The following DAB1 variants were observed in gnomAD, a reference collection of about 807,000 sequenced individuals.
DAB1 encodes disabled homolog 1.
A neutral mutation model predicts 64.6 loss-of-function variants in DAB1; 15 were observed. The observed-to-expected ratio is 0.23, with a 90% CI of 0.16 to 0.36. The LOEUF is 0.36. Ranked by LOEUF, DAB1 falls within the 10% of genes least tolerant of loss-of-function variation. The probability of loss-of-function intolerance (pLI) is 1.00; values close to 1 mark genes in which losing one functional copy is unlikely to be tolerated. For synonymous variants in DAB1, 235 were observed against 251.9 expected, an observed-to-expected ratio of 0.93 and a Z score of 0.64; for missense variants, 596 against 706.7, an observed-to-expected ratio of 0.84 and a Z score of 1.78.
chr1:57,542,347 A>G (rs1229301032), intron 7 of DAB1, among the ~76,000 whole-genome samples: 1 of 151,574 alleles, frequency 6.6e-6, no homozygotes, highest in Non-Finnish European at 1.5e-5. Flanking sequence ...GGAGCCTGTT[A>G]CCAGGCCTGG....
intron 3 of DAB1, among the ~76,000 whole-genome samples, chr1:58,397,982 T>G (rs927260284): frequency 6.6e-6 from 1 of 152,152 alleles, no homozygotes; most frequent in Non-Finnish European, 1.5e-5. Context: ...CCATTCCCTG[T>G]CTTCATCCCA....
intron 5 of DAB1, among the ~76,000 whole-genome samples, chr1:57,967,289 A>T (rs1375082533): frequency 6.6e-6 from 1 of 152,188 alleles, no homozygotes; most frequent in East Asian, 1.9e-4. Context: ...ACTTGGTTAC[A>T]CTGTTATGCC....
At chr1:58,268,999 G>C (rs1661243256) in intron 4 of DAB1, among the ~76,000 whole-genome samples, 1 of 75,714 alleles carries the variant, frequency 1.3e-5, no homozygotes, top group Admixed American at 1.7e-4. Flanking sequence ...TGGTCCTCTT[G>C]TTTTATTTTT....
intron 5 of DAB1, among the ~76,000 whole-genome samples, chr1:57,891,217 T>A (rs1256147278): frequency 1.3e-5 from 2 of 152,126 alleles, no homozygotes; most frequent in Non-Finnish European, 2.9e-5. Context: ...AACAGACACT[T>A]CTCAAAAGAA....
chr1:57,151,043 C>T (rs1028348815), intron 2 of DAB1, among the ~76,000 whole-genome samples: 18 of 152,100 alleles, frequency 1.2e-4, no homozygotes, highest in African/African-American at 2.2e-4. Flanking sequence ...GATGGGTCTG[C>T]GGTGAGCCAG....
At chr1:58,332,931 A>T (rs1314677648) in intron 4 of DAB1, among the ~76,000 whole-genome samples, 1 of 146,868 alleles carries the variant, frequency 6.8e-6, no homozygotes, top group Non-Finnish European at 1.5e-5. Flanking sequence ...TATTTTTGAG[A>T]TGGAGTTTCA....
In DAB1 at chr1:57,853,112, C is replaced by A. The variant is rs543808733; in HGVS notation, n.88-26657G>T. On this transcript the variant is annotated intron_variant and non_coding_transcript_variant, in intron 1 of 1. Coordinates refer to the DAB1 transcript ENST00000477280. ...AAAATAACATATAATTAATTACAAT[C>A]TGTTTCTTCCCACCCATTCTAAGAA... Among the ~76,000 whole-genome samples, 4 of 152,138 alleles carry A rather than the reference C, an allele frequency of 2.6e-5. No homozygotes were observed. The South Asian group carries it at 8.3e-4, about 32-fold the overall frequency.
intron 1 of DAB1, among the ~76,000 whole-genome samples, chr1:57,389,617 A>C (rs532535783): frequency 6.6e-6 from 1 of 152,288 alleles, no homozygotes; most frequent in South Asian, 2.1e-4. Context: ...AAAAGAAATG[A>C]AGGATGGATA....
rs146524010 is a variant in DAB1 at position 57,258,622 on chromosome 1, T to C, written c.67+32342A>G. On this transcript the variant is annotated intron_variant, in intron 2 of 14. Transcript: ENST00000371236. ...CATTACTTTCTCCCCTTGTAATTAT[T>C]CTACATTTTTGTACTTTGAACTACA... Among the ~76,000 whole-genome samples, 431 of 152,330 alleles carry C rather than the reference T, an allele frequency of 2.8e-3. 1 individual carries two copies. Among genetic ancestry groups the C allele is most frequent in the African/African-American group, 9.7e-3 (404 of 41,578 alleles).
intron 1 of DAB1, among the ~76,000 whole-genome samples, chr1:57,297,450 C>T (rs1397507109): frequency 6.6e-6 from 1 of 151,956 alleles, no homozygotes; most frequent in African/African-American, 2.4e-5. Context: ...AAGATATGTG[C>T]ACCTTATATT....
intron 6 of DAB1, among the ~76,000 whole-genome samples, chr1:57,664,555 A>T (rs761551030): frequency 6.6e-5 from 10 of 152,186 alleles, no homozygotes; most frequent in Non-Finnish European, 1.2e-4. Flanking sequence ...GGACAATTTG[A>T]TAATATGTAA....
At chr1:58,414,261 T>A (rs1219468489) in intron 3 of DAB1, among the ~76,000 whole-genome samples, 1 of 152,146 alleles carries the variant, frequency 6.6e-6, no homozygotes, top group Non-Finnish European at 1.5e-5. Flanking sequence ...TACAGTACTT[T>A]CCTCTCACAT....
chr1:57,717,851 G>A (rs1003567180), intron 6 of DAB1, among the ~76,000 whole-genome samples: 1 of 152,092 alleles, frequency 6.6e-6, no homozygotes, highest in East Asian at 1.9e-4. Flanking sequence ...GTTAGGTTAT[G>A]AGTTGGGAAA....
At position 58,436,634 on chromosome 1, in the gene DAB1, G is replaced by A. The variant is rs576590420; in HGVS notation, n.257+69426C>T. Among the ~76,000 whole-genome samples the A allele has an allele frequency of 2.6e-5, 4 of 152,132 alleles. No homozygotes were observed. In the Middle Eastern group the frequency reaches 0.014, roughly 517 times the overall value. On this transcript the variant is annotated intron_variant and non_coding_transcript_variant, in intron 3 of 20. Coordinates refer to the DAB1 transcript ENST00000485760. ...AAGTCGTTAACACCAACTCCTTTTGGGTAAAGGTTCAGAAGCTCAAAAAAG... is the reference window on the plus strand; with the variant it reads ...AAGTCGTTAACACCAACTCCTTTTGAGTAAAGGTTCAGAAGCTCAAAAAAG...
chr1:58,163,607 C>T (rs907423055), intron 4 of DAB1, among the ~76,000 whole-genome samples: 3 of 152,154 alleles, frequency 2.0e-5, no homozygotes, highest in Admixed American at 6.6e-5. Flanking sequence ...AACTCCTTCC[C>T]AATCCATATG....
chr1:58,543,174 C>T (rs1026941504), intron 1 of DAB1, among the ~76,000 whole-genome samples: 4 of 152,134 alleles, frequency 2.6e-5, no homozygotes, highest in African/African-American at 7.2e-5. Context: ...CAAAATAATG[C>T]GCTTTCTTCA....
At chr1:58,439,814 C>A (rs777162709) in intron 3 of DAB1, among the ~76,000 whole-genome samples, 7 of 152,166 alleles carry the variant, frequency 4.6e-5, no homozygotes, top group Non-Finnish European at 7.3e-5. Context: ...TTCAAAAGAG[C>A]TGGGGGTGAT....
chr1:57,984,882 G>C (rs1646174243), intron 5 of DAB1, among the ~76,000 whole-genome samples: 1 of 151,724 alleles, frequency 6.6e-6, no homozygotes, highest in South Asian at 2.1e-4. Flanking sequence ...AGGCACAGTG[G>C]AAATTGCATT....
intron 2 of DAB1, among the ~76,000 whole-genome samples, chr1:57,228,230 T>A (rs1173760547): frequency 6.6e-6 from 1 of 152,214 alleles, no homozygotes; most frequent in Non-Finnish European, 1.5e-5. Flanking sequence ...TTGGTATCCA[T>A]TTTATAATCT....
Sources: gnomAD v4.1 joint callset for allele counts (sites outside exome capture counted in the v4.1 genomes callset) on GRCh38, gnomAD v4.1.1 for gene constraint, MANE v1.5 for transcripts, NCBI Gene and HGNC (gene_info 2026-07-23, HGNC 2026-07-21) for gene names.